The following MYO9A variants were observed in gnomAD, a reference collection of about 807,000 sequenced individuals.
MYO9A encodes the protein myosin IXA.
MYO9A carries 103 observed loss-of-function variants against 293.3 expected under a neutral mutation model. The observed-to-expected ratio is 0.35, with a 90% CI of 0.30 to 0.41. The LOEUF is 0.41. Ranked by LOEUF, MYO9A falls within the 10% of genes least tolerant of loss-of-function variation. The pLI is 1.00. For synonymous variants in MYO9A, 1,001 were observed against 1,035.7 expected, an observed-to-expected ratio of 0.97 and a Z score of 0.64; for missense variants, 2,685 against 3,033.0, an observed-to-expected ratio of 0.89 and a Z score of 2.69.
At chr15:71,915,331 ATTCATGGCAGTGAT>A (rs1016835425) in intron 19 of MYO9A, among the ~76,000 whole-genome samples, 66 of 152,130 alleles carry the variant, frequency 4.3e-4, no homozygotes, top group African/African-American at 1.5e-3. Context: ...GATTTTTAAA[ATTCATGGCAGTGAT>A]TTCATTATAC....
At chr15:71,902,472 T>C (rs2057513091) in intron 22 of MYO9A, among the ~76,000 whole-genome samples, 1 of 151,862 alleles carries the variant, frequency 6.6e-6, no homozygotes, top group Non-Finnish European at 1.5e-5. Context: ...AAAAATAAAA[T>C]GGAAGCAGTA....
At chr15:71,946,333 A>C (rs938697455) in intron 15 of MYO9A, among the ~76,000 whole-genome samples, 1 of 152,122 alleles carries the variant, frequency 6.6e-6, no homozygotes, top group Non-Finnish European at 1.5e-5. Context: ...GTGTGGGGGG[A>C]AAATTTTAGT....
intron 1 of MYO9A, among the ~76,000 whole-genome samples, chr15:72,103,530 A>AAGCAGAAGC (rs898583405): frequency 1.9e-3 from 290 of 150,678 alleles, no homozygotes; most frequent in Middle Eastern, 3.5e-3. Flanking sequence ...GAAGCAGTGG[A>AAGCAGAAGC]AGCAGAAGCA....
At chr15:71,961,224 A>G (rs1317025491) in intron 13 of MYO9A, among the ~76,000 whole-genome samples, 1 of 152,192 alleles carries the variant, frequency 6.6e-6, no homozygotes, top group African/African-American at 2.4e-5. Flanking sequence ...TATATTTGGG[A>G]CATGTAAAGG....
intron 1 of MYO9A, among the ~76,000 whole-genome samples, chr15:72,115,509 C>A (rs1275181000): frequency 6.6e-6 from 1 of 152,150 alleles, no homozygotes; most frequent in African/African-American, 2.4e-5. Flanking sequence ...TCTCCCCAAC[C>A]CCAAATACAA....
At chr15:72,042,725 A>C (rs1009519016) in intron 2 of MYO9A, among the ~76,000 whole-genome samples, 12 of 151,992 alleles carry the variant, frequency 7.9e-5, no homozygotes, top group African/African-American at 2.9e-4. Flanking sequence ...ATTCACAGAC[A>C]TGACTGACTA....
chr15:72,110,934 C>T (rs965485323), intron 1 of MYO9A, among the ~76,000 whole-genome samples: 35 of 151,868 alleles, frequency 2.3e-4, no homozygotes, highest in Admixed American at 5.9e-4. Context: ...CCGAAGCGGG[C>T]GGATCACAAG....
Position 71,964,289 on chromosome 15 carries a change from A to G in MYO9A, c.1986+3695T>C, listed in dbSNP as rs545224044. On this transcript the variant is annotated intron_variant, in intron 13 of 41. Transcript: ENST00000356056. The stretch of plus-strand genomic sequence containing the variant: ...CACTGATTTCTGGTCTTATTTTTAT[A>G]CCCTTTCTCTAATTCCTTTGAGTGT... Among the ~76,000 whole-genome samples, 8 of 152,138 alleles carry G rather than the reference A, an allele frequency of 5.3e-5. 1 individual carries two copies. The South Asian group carries it at 1.7e-3, about 32-fold the overall frequency.
intron 19 of MYO9A, among the ~76,000 whole-genome samples, chr15:71,905,522 C>T (rs918002700): frequency 3.9e-5 from 6 of 152,000 alleles, no homozygotes; most frequent in Admixed American, 6.6e-5. Context: ...TGGTGGCTCA[C>T]GCCTATAATC....
At chr15:71,842,464 G>C (rs912177506) in intron 39 of MYO9A, among the ~76,000 whole-genome samples, 1 of 152,146 alleles carries the variant, frequency 6.6e-6, no homozygotes, top group Non-Finnish European at 1.5e-5. Flanking sequence ...GAGGCATGGA[G>C]ATTAAATAAC....
At chr15:71,897,301 T>G in intron 25 of MYO9A, 160 bp downstream of exon 25, 1 of 751,104 alleles carries the variant, frequency 1.3e-6, no homozygotes, top group South Asian at 2.0e-5. Flanking sequence ...ACATCCAACT[T>G]CAGGTGATGG....
At chr15:71,873,079 AT>A (rs541618605) in intron 32 of MYO9A, among the ~76,000 whole-genome samples, 1 of 149,968 alleles carries the variant, frequency 6.7e-6, no homozygotes. Context: ...CACCTGGCTA[AT>A]TTTTTTTTGT....
chr15:71,913,859 GATTCTACCTA>G (rs1221861880), intron 19 of MYO9A, among the ~76,000 whole-genome samples: 1 of 131,706 alleles, frequency 7.6e-6, no homozygotes, highest in Non-Finnish European at 1.7e-5. Context: ...TCTTTCTGAG[GATTCTACCTA>G]ATGCCTCATG....
intron 2 of MYO9A, among the ~76,000 whole-genome samples, chr15:72,043,079 C>CA (rs71438543): frequency 6.0e-4 from 86 of 143,992 alleles, no homozygotes; most frequent in African/African-American, 2.0e-3. Context: ...AAAAAACAAA[C>CA]AAAAAAAAAA....
intron 18 of MYO9A, among the ~76,000 whole-genome samples, chr15:71,927,994 A>T (rs898365859): frequency 4.5e-5 from 5 of 112,066 alleles, no homozygotes; most frequent in Non-Finnish European, 9.2e-5. Flanking sequence ...TTCTTCTGCC[A>T]GCTCCATGCT....
intron 6 of MYO9A, among the ~76,000 whole-genome samples, chr15:72,015,673 C>G: frequency 6.7e-6 from 1 of 149,470 alleles, no homozygotes; most frequent in Non-Finnish European, 1.5e-5. Context: ...ATTGAAGTTA[C>G]TCAGATCAGG....
chr15:71,927,258 C>G (rs2058336986), intron 18 of MYO9A, among the ~76,000 whole-genome samples: 1 of 152,214 alleles, frequency 6.6e-6, no homozygotes, highest in African/African-American at 2.4e-5. Context: ...TAGACATTAA[C>G]CCACTGCCAT....
intron 11 of MYO9A, among the ~76,000 whole-genome samples, chr15:71,982,556 T>C (rs544826876): frequency 6.6e-6 from 1 of 152,336 alleles, no homozygotes; most frequent in East Asian, 1.9e-4. Context: ...GTTATATATT[T>C]GATTTTTAAA....
intron 9 of MYO9A, among the ~76,000 whole-genome samples, chr15:71,998,022 A>T (rs748680355): frequency 6.6e-6 from 1 of 152,192 alleles, no homozygotes; most frequent in Non-Finnish European, 1.5e-5. Flanking sequence ...ACATCCACGT[A>T]TATGCTCACT....
Sources: gnomAD v4.1 joint callset for allele counts (sites outside exome capture counted in the v4.1 genomes callset) on GRCh38, gnomAD v4.1.1 for gene constraint, MANE v1.5 for transcripts, NCBI Gene and HGNC (gene_info 2026-07-23, HGNC 2026-07-21) for gene names.